Variants in GRID2 observed in about 807,000 individuals in gnomAD.
The protein encoded by GRID2 is glutamate receptor ionotropic, delta-2.
Under a neutral mutation model 114.8 loss-of-function variants are expected in GRID2, and 33 were observed. The observed-to-expected ratio is 0.29, with a 90% CI of 0.22 to 0.38. The LOEUF (loss-of-function observed/expected upper bound fraction) is 0.38, where lower values mean the gene tolerates loss of function less well. Ranked by LOEUF, GRID2 falls within the 10% of genes least tolerant of loss-of-function variation. The pLI is 1.00. For synonymous variants in GRID2, 505 were observed against 449.9 expected, an observed-to-expected ratio of 1.12 and a Z score of -1.55; for missense variants, 1,184 against 1,257.7, an observed-to-expected ratio of 0.94 and a Z score of 0.89.
chr4:92,516,563 T>A (rs1285687231), intron 1 of GRID2, among the ~76,000 whole-genome samples: 1 of 151,872 alleles, frequency 6.6e-6, no homozygotes, highest in African/African-American at 2.4e-5. Flanking sequence ...TGCTCTATAT[T>A]TAAGCTCAGA....
intron 14 of GRID2, among the ~76,000 whole-genome samples, chr4:93,732,444 G>C (rs560840922): frequency 1.3e-5 from 2 of 152,102 alleles, no homozygotes; most frequent in African/African-American, 4.8e-5. Context: ...CAACTCAGCA[G>C]GTTTATGCCT....
intron 14 of GRID2, among the ~76,000 whole-genome samples, chr4:93,660,147 T>C (rs78395588): frequency 0.011 from 1,710 of 152,246 alleles, 41 homozygotes; most frequent in African/African-American, 0.039. Context: ...AATATCCGCA[T>C]GTGAAAAGTG....
chr4:93,082,533 A>G (rs1306135522), intron 2 of GRID2, among the ~76,000 whole-genome samples: 1 of 152,132 alleles, frequency 6.6e-6, no homozygotes. Context: ...ACTTTTTCTT[A>G]TTGAGTCTCA....
At chr4:92,506,659 C>T (rs1723987573) in intron 1 of GRID2, among the ~76,000 whole-genome samples, 2 of 151,672 alleles carry the variant, frequency 1.3e-5, no homozygotes, top group Non-Finnish European at 1.5e-5. Context: ...TCACTGTATC[C>T]CTTACCTATA....
intron 1 of GRID2, among the ~76,000 whole-genome samples, chr4:93,793,183 C>T (rs369034045): frequency 2.0e-5 from 3 of 152,084 alleles, no homozygotes; most frequent in Non-Finnish European, 4.4e-5. Flanking sequence ...AAATGGATGA[C>T]TGTTTCAGAC....
intron 1 of GRID2, among the ~76,000 whole-genome samples, chr4:92,536,420 TCTCA>T (rs1297927245): frequency 6.6e-6 from 1 of 152,084 alleles, no homozygotes; most frequent in Non-Finnish European, 1.5e-5. Context: ...CGGCTTCACC[TCTCA>T]CTACGTTGCA....
chr4:92,877,091 C>T (rs1745687180), intron 2 of GRID2, among the ~76,000 whole-genome samples: 1 of 152,126 alleles, frequency 6.6e-6, no homozygotes, highest in Admixed American at 6.6e-5. Context: ...TTTTAAAAAA[C>T]TCTCCATTAA....
intron 9 of GRID2, among the ~76,000 whole-genome samples, chr4:93,421,093 A>G (rs2046418): frequency 0.7 from 105,968 of 152,036 alleles, 37,404 homozygotes; most frequent in African/African-American, 0.81. Flanking sequence ...CAGCATTTTC[A>G]GTGTCAGGGA....
intron 2 of GRID2, among the ~76,000 whole-genome samples, chr4:92,599,897 C>T (rs555628655): frequency 6.6e-6 from 1 of 151,334 alleles, no homozygotes; most frequent in East Asian, 2.0e-4. Context: ...TGGTGCCATA[C>T]ACCTGTAGTT....
intron 4 of GRID2, among the ~76,000 whole-genome samples, chr4:93,178,318 A>T (rs1057239776): frequency 6.8e-6 from 1 of 146,104 alleles, no homozygotes; most frequent in African/African-American, 2.5e-5. Context: ...ACACTCTCTC[A>T]CACTCAAACT....
At chr4:93,314,394 ACT>A (rs1234349926) in intron 8 of GRID2, among the ~76,000 whole-genome samples, 1 of 151,464 alleles carries the variant, frequency 6.6e-6, no homozygotes, top group Admixed American at 6.6e-5. Context: ...CATCATAAGT[ACT>A]CTCTGCTCCC....
At chr4:92,785,467 G>GA (rs879257609) in intron 2 of GRID2, among the ~76,000 whole-genome samples, 19 of 150,650 alleles carry the variant, frequency 1.3e-4, no homozygotes, top group East Asian at 3.9e-4. Context: ...GAAATGAGGA[G>GA]AAAAAAAATA....
At chr4:92,453,102 A>G (rs1429328097) in intron 1 of GRID2, among the ~76,000 whole-genome samples, 1 of 151,818 alleles carries the variant, frequency 6.6e-6, no homozygotes, top group African/African-American at 2.4e-5. Flanking sequence ...TAAAGAGCAA[A>G]TACCATGTCA....
chr4:93,434,425 T>A (rs914703388), intron 10 of GRID2, among the ~76,000 whole-genome samples: 3 of 152,216 alleles, frequency 2.0e-5, no homozygotes, highest in Admixed American at 6.5e-5. Flanking sequence ...ATTGTGCACA[T>A]GTACCCTAGA....
At chr4:93,377,627 T>TA (rs1305114694) in intron 8 of GRID2, among the ~76,000 whole-genome samples, 1 of 152,204 alleles carries the variant, frequency 6.6e-6, no homozygotes, top group Non-Finnish European at 1.5e-5. Flanking sequence ...TGTCATTTTT[T>TA]ACCCTCTTGT....
rs1020168504 is a variant in GRID2 at position 93,071,936 on chromosome 4, T to G, written c.245-13059T>G. Among the ~76,000 whole-genome samples the G allele has an allele frequency of 2.0e-5, 3 of 152,200 alleles. 1 individual carries two copies. Among genetic ancestry groups the G allele is most frequent in the Admixed American group, 2.0e-4 (3 of 15,260 alleles). On this transcript the variant is annotated intron_variant, in intron 2 of 15. Coordinates refer to ENST00000282020, the MANE Select transcript of GRID2 (RefSeq NM_001510.4). ...CTAATCAAAACTACTACTTGAAGTC[T>G]GTTTAAATGTAATTAAAAACAGTGA...
chr4:92,431,264 T>C (rs1237472770), intron 1 of GRID2, among the ~76,000 whole-genome samples: 1 of 152,188 alleles, frequency 6.6e-6, no homozygotes, highest in East Asian at 1.9e-4. Context: ...TTGTATTGTA[T>C]TGCAGTATAT....
At chr4:93,480,869 G>A in intron 11 of GRID2, among the ~76,000 whole-genome samples, 1 of 151,926 alleles carries the variant, frequency 6.6e-6, no homozygotes, top group East Asian at 1.9e-4. Flanking sequence ...AAGTTTCTTG[G>A]AACAGATTCA....
chr4:93,038,857 C>A (rs766854483), intron 2 of GRID2, among the ~76,000 whole-genome samples: 1 of 151,818 alleles, frequency 6.6e-6, no homozygotes, highest in African/African-American at 2.4e-5. Flanking sequence ...GGAATGCTTT[C>A]ACACTCTTGG....
Sources: gnomAD v4.1 joint callset for allele counts (sites outside exome capture counted in the v4.1 genomes callset) on GRCh38, gnomAD v4.1.1 for gene constraint, MANE v1.5 for transcripts, NCBI Gene and HGNC (gene_info 2026-07-23, HGNC 2026-07-21) for gene names.